Variants in ARHGEF3 observed in about 807,000 individuals in gnomAD.
ARHGEF3 encodes the protein 59.8 kDA protein.
Under a neutral mutation model 63.2 loss-of-function variants are expected in ARHGEF3, and 28 were observed. The ratio of observed to expected loss-of-function variants is 0.44; its 90% CI spans 0.33 to 0.61. ARHGEF3 has a LOEUF of 0.61. Among genes scored for constraint, ARHGEF3 ranks in the 20% least tolerant of loss-of-function variants. The pLI, the probability that ARHGEF3 is intolerant of heterozygous loss-of-function variation, is 0.03. For missense variants in ARHGEF3, 533 were observed against 659.3 expected, an observed-to-expected ratio of 0.81 and a Z score of 2.10; for synonymous variants, 266 against 254.2, an observed-to-expected ratio of 1.05 and a Z score of -0.44.
intron 4 of ARHGEF3, among the ~76,000 whole-genome samples, chr3:56,810,767 C>G (rs1358688926): frequency 6.6e-6 from 1 of 152,164 alleles, no homozygotes; most frequent in African/African-American, 2.4e-5. Flanking sequence ...GACTAAGAAG[C>G]TTATCAAATC....
At chr3:56,820,543 C>T (rs1192797061) in intron 4 of ARHGEF3, among the ~76,000 whole-genome samples, 1 of 152,050 alleles carries the variant, frequency 6.6e-6, no homozygotes, top group Admixed American at 6.6e-5. Flanking sequence ...GTGGTATATG[C>T]CTGTAGTCCC....
In ARHGEF3 at chr3:56,948,703, A is replaced by C. The variant is rs1232976494; in HGVS notation, c.129+10120T>G. On this transcript the variant is annotated intron_variant, in intron 3 of 12. Coordinates refer to the ARHGEF3 transcript ENST00000338458. ...ACAGCCGAATTCTACCAGAGGTACAAGGAGGAGCTGGTACCATTCCTTCTG... is the reference window on the plus strand; with the variant it reads ...ACAGCCGAATTCTACCAGAGGTACACGGAGGAGCTGGTACCATTCCTTCTG... Among the ~76,000 whole-genome samples, 6 of 152,322 alleles carry C rather than the reference A, an allele frequency of 3.9e-5. No individual in the cohort carries two copies. The East Asian group carries it at 1.2e-3, about 29-fold the overall frequency.
chr3:56,729,602 T>G lies in ARHGEF3; in HGVS notation c.1249A>C (p.Ser417Arg). 6.2e-7 allele frequency: 1 copy of G among 1,604,032 alleles called. No homozygotes were observed. The highest frequency in any genetic ancestry group is 8.5e-7 in the Non-Finnish European group (1 of 1,173,576). ...TGACTTTGGGATCCATTTTTGAAACTGACTCTGAAGAAGTTTTTAACTAGA... is the reference window on the plus strand; with the variant it reads ...TGACTTTGGGATCCATTTTTGAAACGGACTCTGAAGAAGTTTTTAACTAGA... Reference protein sequence around the residue: ...NERIKNFFRVSFKNGSQSQTH... With the variant: ...NERIKNFFRVRFKNGSQSQTH... The change falls in exon 10 of 10, where the codon AGT becomes CGT. Residue 417 changes from serine (S) to arginine (R), a missense_variant. This residue lies in a region of ARHGEF3 where 151 missense variants were observed against 190.7 expected (regional missense o/e 0.79). Coordinates refer to ENST00000296315, the MANE Select transcript of ARHGEF3 (RefSeq NM_019555.3).
At chr3:56,906,362 T>A (rs1449483086) in intron 3 of ARHGEF3, among the ~76,000 whole-genome samples, 2 of 152,228 alleles carry the variant, frequency 1.3e-5, no homozygotes, top group African/African-American at 2.4e-5. Flanking sequence ...TGGTGCTCTG[T>A]GGATCCGCAG....
rs189234044 is a variant in ARHGEF3, at chr3:56,986,393, C to T, written c.63-27504G>A. On this transcript the variant is annotated intron_variant, in intron 2 of 12. Transcript: ENST00000338458. ...TCCAGAAATCTGAGTTTAACACATA[C>T]AAAGTCTGGGGCCCCTGGGAGCTGT... Among the ~76,000 whole-genome samples the T allele has an allele frequency of 6.1e-4, 93 of 152,292 alleles. 1 individual carries two copies. Among genetic ancestry groups the T allele is most frequent in the African/African-American group, 2.1e-3 (87 of 41,554 alleles).
intron 1 of ARHGEF3, among the ~76,000 whole-genome samples, chr3:56,781,500 C>A (rs539453443): frequency 1.3e-5 from 2 of 152,270 alleles, no homozygotes; most frequent in African/African-American, 4.8e-5. Flanking sequence ...CCTGCCTTGG[C>A]CTGCCAAAGT....
At chr3:57,045,209 G>C (rs749269321) in intron 1 of ARHGEF3, among the ~76,000 whole-genome samples, 24 of 152,206 alleles carry the variant, frequency 1.6e-4, no homozygotes, top group Non-Finnish European at 3.2e-4. Context: ...GGAGGTTAAA[G>C]TGGGCTGAGA....
At chr3:57,079,164 G>T in intron 1 of ARHGEF3, 1 of 392,232 alleles carries the variant, frequency 2.5e-6, no homozygotes, top group Non-Finnish European at 4.5e-6. Flanking sequence ...CCCGCCAAAG[G>T]GGTGTCTAGC....
intron 3 of ARHGEF3, 53 bp downstream of exon 3, chr3:56,754,928 G>A: frequency 6.2e-7 from 1 of 1,607,382 alleles, no homozygotes; most frequent in Non-Finnish European, 8.5e-7. Context: ...GGCTGACGCT[G>A]CAATGCACCT....
chr3:57,008,801 G>A (rs918442598), intron 2 of ARHGEF3, among the ~76,000 whole-genome samples: 13 of 152,048 alleles, frequency 8.5e-5, no homozygotes, highest in African/African-American at 1.7e-4. Context: ...CTCTGTTTCC[G>A]CATCTGTAAA....
At chr3:56,824,356 G>A (rs572290374) in intron 4 of ARHGEF3, among the ~76,000 whole-genome samples, 1 of 152,314 alleles carries the variant, frequency 6.6e-6, no homozygotes, top group East Asian at 1.9e-4. Flanking sequence ...AATCATAAAT[G>A]GTTGCTTTAC....
intron 4 of ARHGEF3, among the ~76,000 whole-genome samples, chr3:56,832,866 G>A (rs2038976934): frequency 6.6e-6 from 1 of 152,154 alleles, no homozygotes; most frequent in South Asian, 2.1e-4. Context: ...TCATACAAAT[G>A]GAATCAAATA....
intron 2 of ARHGEF3, among the ~76,000 whole-genome samples, chr3:56,997,231 C>T (rs1376907026): frequency 1.3e-5 from 2 of 152,080 alleles, no homozygotes; most frequent in Non-Finnish European, 2.9e-5. Flanking sequence ...TCTTTCTGAC[C>T]CTCATGACCT....
chr3:56,933,567 G>A (rs772071591), intron 3 of ARHGEF3, among the ~76,000 whole-genome samples: 8 of 151,896 alleles, frequency 5.3e-5, no homozygotes, highest in Admixed American at 3.3e-4. Context: ...CCACAGGCGC[G>A]TGCCATCACA....
At chr3:56,887,869 G>A (rs1473838394) in intron 3 of ARHGEF3, among the ~76,000 whole-genome samples, 1 of 152,214 alleles carries the variant, frequency 6.6e-6, no homozygotes, top group East Asian at 1.9e-4. Context: ...TGAGCAGTAG[G>A]TCAGTGAATA....
At chr3:56,994,064 CAAAAAAAAAA>C (rs60299557) in intron 2 of ARHGEF3, among the ~76,000 whole-genome samples, 40 of 59,712 alleles carry the variant, frequency 6.7e-4, no homozygotes, top group Admixed American at 9.0e-4. Flanking sequence ...AACTTCGTCT[CAAAAAAAAAA>C]AAAAAAAAAA....
chr3:56,908,154 A>G (rs1250621925), intron 3 of ARHGEF3, among the ~76,000 whole-genome samples: 1 of 152,222 alleles, frequency 6.6e-6, no homozygotes, highest in African/African-American at 2.4e-5. Context: ...ACCCTGCAAC[A>G]AACCAGTACA....
chr3:57,002,550 G>GC (rs1391519089), intron 2 of ARHGEF3, among the ~76,000 whole-genome samples: 1 of 50,332 alleles, frequency 2.0e-5, no homozygotes, highest in Non-Finnish European at 4.8e-5. Context: ...TATATGTTAT[G>GC]TTATATATAT....
chr3:57,057,606 C>G (rs970773970), intron 1 of ARHGEF3, among the ~76,000 whole-genome samples: 7 of 151,938 alleles, frequency 4.6e-5, no homozygotes, highest in African/African-American at 1.7e-4. Context: ...GGGTAAGTCA[C>G]ACCCACACCC....
Sources: allele counts gnomAD v4.1 joint callset (sites outside exome capture counted in the v4.1 genomes callset), GRCh38; gene constraint gnomAD v4.1.1; regional missense constraint gnomAD v4.1.1; transcripts MANE v1.5; gene names NCBI Gene and HGNC (gene_info 2026-07-23, HGNC 2026-07-21).